The following TTLL5 variants were observed in gnomAD, a reference collection of about 807,000 sequenced individuals.
TTLL5 encodes tubulin polyglutamylase TTLL5.
Under a neutral mutation model 168.4 loss-of-function variants are expected in TTLL5, and 132 were observed. That is an observed-to-expected ratio of 0.78 (90% confidence interval 0.68 to 0.91). The LOEUF is 0.91. Ranked by LOEUF, TTLL5 falls within the 40% of genes least tolerant of loss-of-function variation. The pLI is 0.00. For synonymous variants in TTLL5, 546 were observed against 558.6 expected, an observed-to-expected ratio of 0.98 and a Z score of 0.32; for missense variants, 1,545 against 1,581.5, an observed-to-expected ratio of 0.98 and a Z score of 0.39.
chr14:75,845,452 A>G (rs944612421), intron 28 of TTLL5, among the ~76,000 whole-genome samples: 3 of 152,094 alleles, frequency 2.0e-5, no homozygotes, highest in African/African-American at 4.8e-5. Flanking sequence ...TTTAATTTTT[A>G]AATTAATTTT....
chr14:75,783,207 C>T lies in TTLL5; in HGVS notation c.2663C>T (p.Pro888Leu). 1 of 1,614,072 alleles carries T rather than the reference C, an allele frequency of 6.2e-7. No individual in the cohort carries two copies. The highest frequency in any genetic ancestry group is 1.3e-5 in the African/African-American group (1 of 75,048). Residue 888 changes from proline to leucine, a missense_variant, in exon 26 of 32, where the codon CCT becomes CTT. Transcript: ENST00000298832. Reference sequence around the variant, plus strand: ...GTTTATAGCAATTCCTCCTCTGGTCCTACTGCTACTCTGCAGAAAATTCCC... The same window carrying T: ...GTTTATAGCAATTCCTCCTCTGGTCTTACTGCTACTCTGCAGAAAATTCCC... ...KLVYSNSSSGPTATLQKIPNT... is the reference protein window; with the variant it reads ...KLVYSNSSSGLTATLQKIPNT...
chr14:75,840,625 CT>C lies in TTLL5; in HGVS notation c.3326+20465del, dbSNP rs1158938426. ...AGGTATGGGGATCGTTGGGGGCCATCTCAAAGGCTGGTTCCCACAATAATTC... is the reference window on the plus strand; with the variant it reads ...AGGTATGGGGATCGTTGGGGGCCATCCAAAGGCTGGTTCCCACAATAATTC... On this transcript the variant is annotated intron_variant, in intron 28 of 31. Coordinates refer to ENST00000298832, the MANE Select transcript of TTLL5 (RefSeq NM_015072.5). Among the ~76,000 whole-genome samples, 3 of 152,118 alleles carry C rather than the reference CT, an allele frequency of 2.0e-5. No individual in the cohort carries two copies. The East Asian group carries it at 5.8e-4, about 29-fold the overall frequency.
intron 27 of TTLL5, among the ~76,000 whole-genome samples, chr14:75,811,366 C>T (rs538234273): frequency 1.3e-5 from 2 of 152,104 alleles, no homozygotes; most frequent in East Asian, 1.9e-4. Flanking sequence ...TCTTCTATGA[C>T]GCGAAGCTTT....
Position 75,873,979 on chromosome 14 carries a change from G to A in TTLL5, c.3523-8706G>A, listed in dbSNP as rs561311727. On this transcript the variant is annotated intron_variant, in intron 29 of 31. Transcript: ENST00000298832. ...TTTTAAAACTAATAGTTACTTACTTGAACAATTAAATATGGTATGCAAATT... is the reference window on the plus strand; with the variant it reads ...TTTTAAAACTAATAGTTACTTACTTAAACAATTAAATATGGTATGCAAATT... 2.0e-5 allele frequency among the ~76,000 whole-genome samples: 3 copies of A among 152,096 alleles called. No individual in the cohort carries two copies. The South Asian group carries it at 6.2e-4, about 32-fold the overall frequency.
At chr14:75,680,826 A>C (rs12717565) in intron 3 of TTLL5, among the ~76,000 whole-genome samples, 132,574 of 151,728 alleles carry the variant, frequency 0.87, 58,539 homozygotes, top group Non-Finnish European at 0.95. Context: ...GGGGTTTCAC[A>C]ATGTTGGCCA....
At chr14:75,900,221 GA>G (rs1384621665) in intron 30 of TTLL5, among the ~76,000 whole-genome samples, 2 of 152,158 alleles carry the variant, frequency 1.3e-5, no homozygotes, top group African/African-American at 4.8e-5. Context: ...AGGCTGATGG[GA>G]AAAGGGAGAA....
At chr14:75,902,091 C>G in intron 30 of TTLL5, 51 bp from the exon 31 acceptor site, 1 of 1,545,130 alleles carries the variant, frequency 6.5e-7, no homozygotes, top group African/African-American at 1.4e-5. Flanking sequence ...GGTCCTGCAC[C>G]TGACCTCACC....
chr14:75,863,577 T>C (rs1595168654), intron 28 of TTLL5, 90 bp from the exon 29 acceptor site: 3 of 1,291,712 alleles, frequency 2.3e-6, no homozygotes, highest in Non-Finnish European at 3.2e-6. Flanking sequence ...TGGTTCCATA[T>C]TGGAAAAATA....
At chr14:75,731,965 T>C (rs186729452) in intron 12 of TTLL5, among the ~76,000 whole-genome samples, 12 of 151,182 alleles carry the variant, frequency 7.9e-5, no homozygotes, top group Non-Finnish European at 1.3e-4. Flanking sequence ...GCAGTGTTGG[T>C]GTTGGTTGTG....
At chr14:75,886,646 C>G in intron 30 of TTLL5, 1 of 1,582,264 alleles carries the variant, frequency 6.3e-7, no homozygotes, top group South Asian at 1.1e-5. Context: ...TTTCCTGGTG[C>G]CAATAATCTT....
intron 3 of TTLL5, among the ~76,000 whole-genome samples, chr14:75,680,615 ATTTTTTTT>A (rs35254410): frequency 2.0e-5 from 2 of 102,006 alleles, no homozygotes; most frequent in Non-Finnish European, 3.8e-5. Context: ...TAGAGCAGGG[ATTTTTTTT>A]TTTTTTTTTT....
At chr14:75,705,049 G>A (rs1031226225) in intron 7 of TTLL5, among the ~76,000 whole-genome samples, 13 of 152,158 alleles carry the variant, frequency 8.5e-5, no homozygotes, top group East Asian at 1.9e-4. Context: ...TTGATTTTAC[G>A]TTTACAACAT....
intron 31 of TTLL5, among the ~76,000 whole-genome samples, chr14:75,951,530 T>G (rs1249948673): frequency 6.6e-6 from 1 of 151,348 alleles, no homozygotes; most frequent in East Asian, 2.0e-4. Context: ...GAGGCCAGCG[T>G]GGGAGGATTT....
chr14:75,938,749 G>A (rs2034505940), intron 31 of TTLL5, among the ~76,000 whole-genome samples: 1 of 152,180 alleles, frequency 6.6e-6, no homozygotes, highest in African/African-American at 2.4e-5. Flanking sequence ...TGAAGGCACA[G>A]TAGTTCAGAG....
intron 27 of TTLL5, among the ~76,000 whole-genome samples, chr14:75,798,578 G>A (rs990423518): frequency 6.6e-6 from 1 of 151,838 alleles, no homozygotes; most frequent in African/African-American, 2.4e-5. Context: ...AGCTCTTTCA[G>A]GCTTTTTGAT....
chr14:75,811,028 T>A (rs1332762443), intron 27 of TTLL5, among the ~76,000 whole-genome samples: 4 of 151,880 alleles, frequency 2.6e-5, no homozygotes, highest in African/African-American at 9.7e-5. Flanking sequence ...GGACTCCTAA[T>A]TTCCTTGATA....
intron 31 of TTLL5, among the ~76,000 whole-genome samples, 161 bp from the exon 32 acceptor site, chr14:75,954,252 CAAAAAAAAAAA>C (rs56396876): frequency 1.3e-5 from 1 of 74,520 alleles, no homozygotes; most frequent in Non-Finnish European, 2.6e-5. Context: ...GACTCCATCT[CAAAAAAAAAAA>C]AAAAAAAAAA....
intron 31 of TTLL5, among the ~76,000 whole-genome samples, chr14:75,917,119 G>A (rs185443715): frequency 2.6e-5 from 4 of 152,316 alleles, no homozygotes; most frequent in South Asian, 2.1e-4. Context: ...TGGGATGGTC[G>A]TGCAGCGTGA....
intron 3 of TTLL5, among the ~76,000 whole-genome samples, chr14:75,675,218 A>G (rs932656701): frequency 6.6e-6 from 1 of 152,214 alleles, no homozygotes; most frequent in South Asian, 2.1e-4. Flanking sequence ...CCTAATCCTA[A>G]TTCTAGGTAA....
Sources: allele counts gnomAD v4.1 joint callset (sites outside exome capture counted in the v4.1 genomes callset), GRCh38; gene constraint gnomAD v4.1.1; transcripts MANE v1.5; gene names NCBI Gene and HGNC (gene_info 2026-07-23, HGNC 2026-07-21).